IHO1: variants seen among roughly 807,000 people sequenced by gnomAD.
The protein encoded by IHO1 is interactor of HORMAD1 1, also known as interactor of HORMAD1 protein 1.
In IHO1, 13 loss-of-function variants were observed where a neutral mutation model predicts 31.0. That is an observed-to-expected ratio of 0.42 (90% CI 0.27 to 0.67). IHO1 has a LOEUF of 0.67. IHO1 is among the 30% of genes least tolerant of loss of function. IHO1 has a pLI of 0.24. For missense variants in IHO1, 599 were observed against 687.5 expected, an observed-to-expected ratio of 0.87 and a Z score of 1.44; for synonymous variants, 221 against 248.4, an observed-to-expected ratio of 0.89 and a Z score of 1.04.
intron 6 of IHO1, among the ~76,000 whole-genome samples, chr3:49,252,926 C>T (rs1363458499): frequency 6.6e-6 from 1 of 151,352 alleles, no homozygotes; most frequent in Non-Finnish European, 1.5e-5. Flanking sequence ...CCTAAAGTCC[C>T]AGCTACTTGG....
At chr3:49,231,295 C>T (rs185068609) in intron 2 of IHO1, among the ~76,000 whole-genome samples, 189 of 152,250 alleles carry the variant, frequency 1.2e-3, no homozygotes, top group Middle Eastern at 3.4e-3. Context: ...TGAGTATTCT[C>T]GATAATCATT....
At chr3:49,237,949 G>A (rs991358489) in intron 3 of IHO1, among the ~76,000 whole-genome samples, 33 of 122,100 alleles carry the variant, frequency 2.7e-4, no homozygotes, top group African/African-American at 9.2e-4. Flanking sequence ...CACCTGGGCC[G>A]AGGTCCAGTG....
At chr3:49,248,440 A>T (rs1238811321) in intron 6 of IHO1, among the ~76,000 whole-genome samples, 1 of 150,994 alleles carries the variant, frequency 6.6e-6, no homozygotes, top group Non-Finnish European at 1.5e-5. Context: ...AACAAAACAA[A>T]ACAAAAGCCC....
At chr3:49,245,084 C>T in intron 6 of IHO1, 1 of 511,866 alleles carries the variant, frequency 2.0e-6, no homozygotes, top group Non-Finnish European at 3.5e-6. Flanking sequence ...TGTCTATAGA[C>T]ACTGACTGCC....
intron 1 of IHO1, among the ~76,000 whole-genome samples, chr3:49,207,931 G>A (rs1314362672): frequency 6.6e-5 from 10 of 151,918 alleles, no homozygotes; most frequent in African/African-American, 2.4e-5. Context: ...CTGCCACCAC[G>A]CCTGGCTAAT....
intron 2 of IHO1, among the ~76,000 whole-genome samples, chr3:49,212,661 T>C (rs915211496): frequency 6.6e-6 from 1 of 152,102 alleles, no homozygotes; most frequent in Non-Finnish European, 1.5e-5. Context: ...AAAAGCGGCA[T>C]GTCCAGAGTT....
At chr3:49,219,687 G>A (rs933701009) in intron 2 of IHO1, among the ~76,000 whole-genome samples, 2 of 152,118 alleles carry the variant, frequency 1.3e-5, no homozygotes, top group African/African-American at 4.8e-5. Context: ...CCTGGCCGAA[G>A]GGTCACCAGA....
chr3:49,191,636 C>T, the IHO1 span: 2 of 1,264,698 alleles, frequency 1.6e-6, no homozygotes, highest in African/African-American at 1.5e-5. Context: ...GGTCCTATTC[C>T]AGGTTGGATG....
intron 2 of IHO1, chr3:49,213,910 G>T (rs575594011): frequency 3.0e-5 from 11 of 362,860 alleles, no homozygotes; most frequent in African/African-American, 2.1e-4. Flanking sequence ...AGGCTGAAGG[G>T]CTCCTCAAGC....
intron 6 of IHO1, among the ~76,000 whole-genome samples, chr3:49,247,296 C>T (rs974659511): frequency 3.3e-5 from 5 of 151,988 alleles, no homozygotes; most frequent in African/African-American, 1.2e-4. Flanking sequence ...GTAGCACGAT[C>T]TCGGTTCACT....
intron 2 of IHO1, 145 bp from the exon 3 acceptor site, chr3:49,236,403 T>C (rs1338218472): frequency 3.6e-5 from 21 of 576,430 alleles, no homozygotes; most frequent in Admixed American, 9.9e-5. Flanking sequence ...TTGTGTTTCA[T>C]TGTACTGACA....
At position 49,236,554 on chromosome 3, in the gene IHO1, G is replaced by A. The variant is rs1305860695; in HGVS notation, c.63G>A (p.Lys21=). 1 of 1,604,480 alleles carries A rather than the reference G, an allele frequency of 6.2e-7. No homozygotes were observed. The highest frequency in any genetic ancestry group is 1.1e-5 in the South Asian group (1 of 90,124). ...MLSIPSGSGN[K]KSSNWNNNQN... is the part of the protein sequence containing the mutation. Reference sequence around the variant, plus strand: ...TTTTTTTGCTAAATTTCAGGAACAAGAAGTCATCCAACTGGAATAATAATC... The same window carrying A: ...TTTTTTTGCTAAATTTCAGGAACAAAAAGTCATCCAACTGGAATAATAATC... The change falls in exon 3 of 8, where the codon AAG becomes AAA. Residue 21 remains lysine, a synonymous_variant. Coordinates refer to ENST00000452691, the MANE Select transcript of IHO1 (RefSeq NM_001135197.2).
chr3:49,193,773 C>T (rs1191927760), upstream of IHO1, among the ~76,000 whole-genome samples: 1 of 150,880 alleles, frequency 6.6e-6, no homozygotes, highest in Admixed American at 6.6e-5. Flanking sequence ...ACCAGCCTGG[C>T]CAACATGGTG....
chr3:49,197,163 T>TG (rs2046003815), upstream of IHO1, among the ~76,000 whole-genome samples: 1 of 147,756 alleles, frequency 6.8e-6, no homozygotes, highest in Non-Finnish European at 1.5e-5. Flanking sequence ...TTTTTTTTTT[T>TG]GTATTTTTTG....
At chr3:49,217,110 C>T (rs1379938819) in intron 2 of IHO1, among the ~76,000 whole-genome samples, 1 of 152,090 alleles carries the variant, frequency 6.6e-6, no homozygotes, top group Non-Finnish European at 1.5e-5. Flanking sequence ...AATAGAAATA[C>T]CATTTGACTC....
At chr3:49,191,686 C>A in the IHO1 span, 1 of 1,562,962 alleles carries the variant, frequency 6.4e-7, no homozygotes, top group South Asian at 1.1e-5. Flanking sequence ...ATGACTCAGT[C>A]AGATTTCAGG....
At chr3:49,234,522 A>T (rs1375005662) in intron 2 of IHO1, among the ~76,000 whole-genome samples, 1 of 151,504 alleles carries the variant, frequency 6.6e-6, no homozygotes, top group Non-Finnish European at 1.5e-5. Context: ...TATCATAAGA[A>T]CCCTACCTTC....
intron 2 of IHO1, among the ~76,000 whole-genome samples, chr3:49,226,227 C>G (rs1384872128): frequency 6.6e-6 from 1 of 152,064 alleles, no homozygotes; most frequent in Non-Finnish European, 1.5e-5. Flanking sequence ...GCCTGTTCCT[C>G]TTGGTCCCTA....
At chr3:49,214,891 C>T (rs1288862037) in intron 2 of IHO1, among the ~76,000 whole-genome samples, 1 of 151,656 alleles carries the variant, frequency 6.6e-6, no homozygotes, top group Non-Finnish European at 1.5e-5. Flanking sequence ...CTGCCCGCCT[C>T]AGCCTCCCAA....
Sources: allele counts gnomAD v4.1 joint callset (sites outside exome capture counted in the v4.1 genomes callset), GRCh38; gene constraint gnomAD v4.1.1; transcripts MANE v1.5; gene names NCBI Gene and HGNC (gene_info 2026-07-23, HGNC 2026-07-21).